ZNF454: variants seen among roughly 807,000 people sequenced by gnomAD.
ZNF454 encodes the protein zinc finger protein 454.
A neutral mutation model predicts 48.2 loss-of-function variants in ZNF454; 30 were observed. That is an observed-to-expected ratio of 0.62 (90% CI 0.47 to 0.84). The LOEUF (loss-of-function observed/expected upper bound fraction) is 0.84. ZNF454 is among the 40% of genes least tolerant of loss of function. ZNF454 has a pLI of 0.00. For synonymous variants in ZNF454, 204 were observed against 211.4 expected (o/e 0.97, Z 0.30); for missense variants, 510 against 623.1 (o/e 0.82, Z 1.93).
chr5:178,976,621 G>A, the ZNF454 span, among the ~76,000 whole-genome samples: 10 of 152,292 alleles, frequency 6.6e-5, no homozygotes, highest in East Asian at 3.9e-4. Flanking sequence ...CCTCTGCAGG[G>A]TGCATTAAGG....
chr5:178,959,932 C>CTTTCTTTTCT (rs550320065), intron 4 of ZNF454, among the ~76,000 whole-genome samples: 2 of 147,230 alleles, frequency 1.4e-5, no homozygotes, highest in Non-Finnish European at 3.0e-5. Context: ...TTCTTTTTTT[C>CTTTCTTTTCT]TTTCTTTTCT....
chr5:178,951,240 AATTT>A (rs1297186198), intron 4 of ZNF454, among the ~76,000 whole-genome samples: 1 of 152,222 alleles, frequency 6.6e-6, no homozygotes, highest in African/African-American at 2.4e-5. Context: ...CTATAAAATA[AATTT>A]ATTTTGAATA....
intron 4 of ZNF454, among the ~76,000 whole-genome samples, chr5:178,956,674 A>AATTTATTTATTT (rs70997652): frequency 3.0e-5 from 1 of 33,872 alleles, no homozygotes; most frequent in African/African-American, 6.5e-5. Context: ...TATTTTATTT[A>AATTTATTTATTT]ATTTATTTAT....
Position 178,965,933 on chromosome 5 carries a change from A to G in ZNF454, c.1529A>G (p.Asn510Ser), listed in dbSNP as rs1461149165. 17 of 1,600,476 alleles carry G rather than the reference A, an allele frequency of 1.1e-5. No homozygotes were observed. The highest frequency in any genetic ancestry group is 1.4e-5 in the Non-Finnish European group (17 of 1,174,288). ...KCGKAFNQTA[N>S]LIQHQRHHIG... ...GGGAAAGCTTTTAACCAGACTGCAA[A>G]CCTCATTCAGCATCAGAGACATCAT... is the stretch of plus-strand genomic sequence containing the variant. Residue 510 changes from asparagine (N) to serine (S), a missense_variant, in exon 5 of 5, where the codon AAC becomes AGC. Around this residue, in one of 3 missense-constraint regions of ZNF454, gnomAD observed 153 missense variants for 195.8 expected, o/e 0.78. Coordinates refer to ENST00000519564, the MANE Select transcript of ZNF454 (RefSeq NM_001178089.3). The surrounding 1 kb of genome is among the most constrained non-coding windows in gnomAD (Gnocchi z 5.2).
chr5:178,985,595 C>G, the ZNF454 span: 22 of 347,182 alleles, frequency 6.3e-5, no homozygotes, highest in East Asian at 9.7e-4. Context: ...CCCAGCTACT[C>G]GGGAGGCTGA....
At position 178,942,770 on chromosome 5, in the gene ZNF454, AG is replaced by A. The variant is rs1561692082; in HGVS notation, c.-19del. The A allele has an allele frequency of 3.7e-6, 6 of 1,613,976 alleles. No homozygotes were observed. The highest frequency in any genetic ancestry group is 4.2e-6 in the Non-Finnish European group (5 of 1,179,966). Reference sequence around the variant, plus strand: ...CCATAGCACTTTGCCTGTCCCTAAGAGGGCTCATCGGAGAAGAAAGAATGGC... The same window carrying A: ...CCATAGCACTTTGCCTGTCCCTAAGAGGCTCATCGGAGAAGAAAGAATGGC... On this transcript the variant is annotated 5_prime_UTR_variant, in exon 2 of 5. Coordinates refer to ENST00000519564, the MANE Select transcript of ZNF454 (RefSeq NM_001178089.3).
intron 4 of ZNF454, among the ~76,000 whole-genome samples, chr5:178,961,869 C>A (rs1329357200): frequency 1.3e-5 from 2 of 150,648 alleles, no homozygotes; most frequent in Admixed American, 1.3e-4. Context: ...TTTATTTTTG[C>A]TATGTATTTT....
the ZNF454 span, chr5:178,986,813 C>A: frequency 6.2e-7 from 1 of 1,613,156 alleles, no homozygotes; most frequent in Non-Finnish European, 8.5e-7. Context: ...CCCATGCCCA[C>A]CTGGGGCTCG....
At chr5:178,976,580 T>C in the ZNF454 span, among the ~76,000 whole-genome samples, 1 of 152,064 alleles carries the variant, frequency 6.6e-6, no homozygotes, top group Non-Finnish European at 1.5e-5. Context: ...GGAGGATCAA[T>C]GGTAGGCTAA....
At chr5:178,952,274 T>C (rs1412825120) in intron 4 of ZNF454, among the ~76,000 whole-genome samples, 2 of 152,208 alleles carry the variant, frequency 1.3e-5, no homozygotes, top group African/African-American at 4.8e-5. Context: ...CCTGACCTCG[T>C]GATCCGCCCG....
At chr5:178,981,529 C>T in the ZNF454 span, 22,871 of 705,758 alleles carry the variant, frequency 0.032, 543 homozygotes, top group South Asian at 0.08. The surrounding 1 kb of genome is among the most constrained non-coding windows in gnomAD (Gnocchi z 5.1). Flanking sequence ...CCCACCGACG[C>T]GGAGCATGGT....
chr5:178,945,461 G>GA (rs1323924305), intron 2 of ZNF454, among the ~76,000 whole-genome samples: 1 of 148,940 alleles, frequency 6.7e-6, no homozygotes, highest in Non-Finnish European at 1.5e-5. Context: ...TGTGGGGGGG[G>GA]TGTGTCGTGT....
At chr5:178,972,531 G>A in the ZNF454 span, among the ~76,000 whole-genome samples, 3 of 152,122 alleles carry the variant, frequency 2.0e-5, no homozygotes, top group Admixed American at 1.3e-4. Flanking sequence ...AGCCTAAGGA[G>A]GTGAGGTTCA....
the ZNF454 span, among the ~76,000 whole-genome samples, chr5:178,984,228 C>T: frequency 6.6e-6 from 1 of 152,076 alleles, no homozygotes; most frequent in Middle Eastern, 3.4e-3. Flanking sequence ...CCCAGGGCTG[C>T]ACAGCGGTAA....
chr5:178,971,128 C>T (rs1760227737), downstream of ZNF454, among the ~76,000 whole-genome samples: 1 of 152,192 alleles, frequency 6.6e-6, no homozygotes, highest in Admixed American at 6.5e-5. Context: ...ATGAGGTAGT[C>T]AGTGAGATTG....
the ZNF454 span, chr5:178,985,555 T>C: frequency 8.7e-4 from 292 of 336,248 alleles, 4 homozygotes; most frequent in East Asian, 0.021. Flanking sequence ...TACAAAAAAT[T>C]AGCCGGGCGT....
the ZNF454 span, chr5:178,989,095 C>T: frequency 1.2e-6 from 2 of 1,613,972 alleles, no homozygotes; most frequent in Non-Finnish European, 1.7e-6. Flanking sequence ...GCACCTTGCC[C>T]TCCTGCTCGT....
downstream of ZNF454, chr5:178,968,956 C>T (rs1227845973): frequency 2.3e-6 from 1 of 436,508 alleles, no homozygotes; most frequent in Non-Finnish European, 4.6e-6. Flanking sequence ...TGCACTCTCC[C>T]TGAGTTCGCC....
chr5:178,981,819 C>T, the ZNF454 span: 1 of 1,613,352 alleles, frequency 6.2e-7, no homozygotes, highest in South Asian at 1.1e-5. This position sits in a 1 kb window ranked among gnomAD's most constrained non-coding sequence, Gnocchi z 5.1. Flanking sequence ...CACTCAGGCT[C>T]AAGGACACGG....
Sources: gnomAD v4.1 joint callset for allele counts (sites outside exome capture counted in the v4.1 genomes callset) on GRCh38, gnomAD v4.1.1 for gene constraint, gnomAD v4.1.1 regional missense constraint, Gnocchi (gnomAD v3.1) non-coding constraint, MANE v1.5 for transcripts, NCBI Gene and HGNC (gene_info 2026-07-23, HGNC 2026-07-21) for gene names.